Variants in ADAMTSL1 observed in about 807,000 individuals in gnomAD.
ADAMTSL1 encodes the protein ADAMTS-like protein 1.
A neutral mutation model predicts 201.8 loss-of-function variants in ADAMTSL1; 126 were observed. The observed-to-expected ratio is 0.62, with a 90% confidence interval of 0.54 to 0.72. The LOEUF (loss-of-function observed/expected upper bound fraction) is 0.72. Ranked by LOEUF, ADAMTSL1 falls within the 30% of genes least tolerant of loss-of-function variation. ADAMTSL1 has a pLI of 0.00. For synonymous variants in ADAMTSL1, 1,121 were observed against 903.4 expected (o/e 1.24, Z -4.32); for missense variants, 2,679 against 2,277.8 (o/e 1.18, Z -3.59).
intron 13 of ADAMTSL1, among the ~76,000 whole-genome samples, chr9:18,689,106 G>A (rs1021440207): frequency 1.3e-5 from 2 of 151,988 alleles, no homozygotes; most frequent in Non-Finnish European, 2.9e-5. Context: ...TCTCAAAAGT[G>A]TACATTTATT....
intron 1 of ADAMTSL1, among the ~76,000 whole-genome samples, chr9:17,930,895 A>G (rs1279168574): frequency 1.3e-5 from 2 of 152,160 alleles, no homozygotes; most frequent in African/African-American, 4.8e-5. Context: ...GCTGATTAGT[A>G]TCTTGTCAGC....
intron 23 of ADAMTSL1, among the ~76,000 whole-genome samples, chr9:18,836,621 C>G (rs1439972875): frequency 6.6e-6 from 1 of 152,046 alleles, no homozygotes; most frequent in Non-Finnish European, 1.5e-5. Flanking sequence ...ATAGTTTTTT[C>G]TAATTCTGTG....
intron 2 of ADAMTSL1, among the ~76,000 whole-genome samples, chr9:18,337,920 AC>A (rs578115127): frequency 1.9e-3 from 293 of 152,218 alleles, no homozygotes; most frequent in African/African-American, 6.2e-3. Context: ...TCTGGGCTCC[AC>A]CTGGGCTAGG....
chr9:18,083,596 GAGTT>G (rs1385092078), intron 1 of ADAMTSL1, among the ~76,000 whole-genome samples: 78 of 152,290 alleles, frequency 5.1e-4, no homozygotes, highest in Non-Finnish European at 2.9e-5. Flanking sequence ...GGGCACTTAA[GAGTT>G]ATATGAAAGA....
Position 18,231,405 on chromosome 9 carries a change from A to G in ADAMTSL1, c.207+67424A>G, listed in dbSNP as rs116291013. On this transcript the variant is annotated intron_variant, in intron 2 of 29. Coordinates refer to the ADAMTSL1 transcript ENST00000680146. ...TCCTCAGGTTCTACGACCTAGAGTCAGCACTTGACAGGTTGACCAACCCCT... is the reference window on the plus strand; with the variant it reads ...TCCTCAGGTTCTACGACCTAGAGTCGGCACTTGACAGGTTGACCAACCCCT... Among the ~76,000 whole-genome samples, 576 of 152,300 alleles carry G rather than the reference A, an allele frequency of 3.8e-3. 3 individuals are homozygous for G. Among genetic ancestry groups the G allele is most frequent in the African/African-American group, 0.013 (548 of 41,578 alleles).
At chr9:18,178,298 C>T (rs1329734539) in intron 2 of ADAMTSL1, among the ~76,000 whole-genome samples, 8 of 152,184 alleles carry the variant, frequency 5.3e-5, no homozygotes, top group Non-Finnish European at 7.3e-5. Context: ...CACTCCCACC[C>T]AAATACTGCG....
At chr9:18,543,282 C>A (rs1447969294) in intron 3 of ADAMTSL1, among the ~76,000 whole-genome samples, 1 of 151,820 alleles carries the variant, frequency 6.6e-6, no homozygotes, top group Admixed American at 6.6e-5. Flanking sequence ...GTTGCTAGAA[C>A]AAAAGGATGT....
intron 7 of ADAMTSL1, among the ~76,000 whole-genome samples, chr9:18,642,032 G>T (rs1217696230): frequency 6.6e-6 from 1 of 151,930 alleles, no homozygotes; most frequent in East Asian, 1.9e-4. Context: ...CAGCAAAATA[G>T]CATCATCCTT....
At chr9:18,625,185 A>G (rs1249563936) in intron 5 of ADAMTSL1, among the ~76,000 whole-genome samples, 1 of 151,832 alleles carries the variant, frequency 6.6e-6, no homozygotes, top group East Asian at 1.9e-4. Flanking sequence ...GCCAAAAGGC[A>G]CTGTCAGCTC....
intron 15 of ADAMTSL1, among the ~76,000 whole-genome samples, chr9:18,741,829 G>C (rs1818845952): frequency 6.6e-6 from 1 of 152,010 alleles, no homozygotes; most frequent in African/African-American, 2.4e-5. Context: ...TTTGCTTCCA[G>C]CTTTTCTTGT....
At chr9:17,996,446 C>A (rs1441648208) in intron 1 of ADAMTSL1, among the ~76,000 whole-genome samples, 1 of 152,016 alleles carries the variant, frequency 6.6e-6, no homozygotes, top group Non-Finnish European at 1.5e-5. Flanking sequence ...AAAGTAACTG[C>A]CTCTTTTGTT....
intron 23 of ADAMTSL1, among the ~76,000 whole-genome samples, chr9:18,841,117 T>C (rs1454176007): frequency 1.3e-5 from 2 of 151,336 alleles, no homozygotes; most frequent in Admixed American, 1.3e-4. Flanking sequence ...CTTGTGCCAG[T>C]TTTCAAAGGG....
rs145608610 is a variant in ADAMTSL1, at chr9:17,951,995, C to A, written c.87+45073C>A. On this transcript the variant is annotated intron_variant, in intron 1 of 29. Transcript: ENST00000680146. ...TTTTGATTTTTTGTAGAGATTAGGT[C>A]TCACTGTATTGCCCAGGCTAGTCTT... is the stretch of plus-strand genomic sequence containing the variant. 3.2e-4 allele frequency among the ~76,000 whole-genome samples: 49 copies of A among 151,962 alleles called. No individual in the cohort carries two copies. In the East Asian group the frequency reaches 9.5e-3, roughly 29 times the overall value.
At chr9:18,125,787 A>G (rs916131595) in intron 1 of ADAMTSL1, among the ~76,000 whole-genome samples, 1 of 152,196 alleles carries the variant, frequency 6.6e-6, no homozygotes, top group African/African-American at 2.4e-5. Context: ...GCTGACAGTA[A>G]TTATTCCAAA....
intron 5 of ADAMTSL1, among the ~76,000 whole-genome samples, chr9:18,623,012 C>G (rs34097794): frequency 6.6e-6 from 1 of 152,174 alleles, no homozygotes; most frequent in East Asian, 1.9e-4. Context: ...TCTCTTGCCT[C>G]AACCTTGCAA....
chr9:18,155,263 G>T (rs1010012753), intron 1 of ADAMTSL1, among the ~76,000 whole-genome samples: 1 of 152,042 alleles, frequency 6.6e-6, no homozygotes, highest in Non-Finnish European at 1.5e-5. Flanking sequence ...CTCCGACTTT[G>T]TATGAAATTA....
chr9:18,502,211 T>G (rs551253789), intron 1 of ADAMTSL1, among the ~76,000 whole-genome samples: 1 of 152,358 alleles, frequency 6.6e-6, no homozygotes, highest in East Asian at 1.9e-4. Context: ...TAGTAACGGA[T>G]AGCATCAAAG....
chr9:18,697,863 T>C (rs2133283655), intron 13 of ADAMTSL1, among the ~76,000 whole-genome samples: 1 of 152,302 alleles, frequency 6.6e-6, no homozygotes, highest in East Asian at 1.9e-4. Context: ...TTATGGACAT[T>C]TTAAGTTGGA....
intron 5 of ADAMTSL1, chr9:18,622,676 A>C: frequency 1.9e-6 from 1 of 522,520 alleles, no homozygotes; most frequent in African/African-American, 1.9e-5. Context: ...ACTGTATCCC[A>C]GCTCCTGCGT....
Sources: allele counts gnomAD v4.1 joint callset (sites outside exome capture counted in the v4.1 genomes callset), GRCh38; gene constraint gnomAD v4.1.1; transcripts MANE v1.5; gene names NCBI Gene and HGNC (gene_info 2026-07-23, HGNC 2026-07-21).